The following AKAP19 variants were observed in gnomAD, a reference collection of about 807,000 sequenced individuals.
AKAP19 encodes the protein A-kinase anchoring protein 19, also known as small A-kinase anchoring protein.
chr2:190,144,860 C>A, the AKAP19 span, among the ~76,000 whole-genome samples: 3 of 152,052 alleles, frequency 2.0e-5, no homozygotes, highest in Admixed American at 6.6e-5. Flanking sequence ...CCCTGTAATC[C>A]CAGCTACTTG....
chr2:190,093,194 G>A, the AKAP19 span, among the ~76,000 whole-genome samples: 3 of 151,932 alleles, frequency 2.0e-5, no homozygotes, highest in Admixed American at 6.6e-5. Context: ...AGGCCAAGGC[G>A]GGTGGATCAC....
At chr2:189,891,212 C>CT in the AKAP19 span, among the ~76,000 whole-genome samples, 10 of 120,736 alleles carry the variant, frequency 8.3e-5, no homozygotes, top group South Asian at 2.6e-4. Flanking sequence ...GTTGAAAGTT[C>CT]TTTTTTTTTC....
chr2:190,090,146 G>A, the AKAP19 span, among the ~76,000 whole-genome samples: 281 of 152,192 alleles, frequency 1.8e-3, no homozygotes, highest in Middle Eastern at 0.014. Context: ...CTTTTCAATT[G>A]CAGCACTCCT....
the AKAP19 span, among the ~76,000 whole-genome samples, chr2:190,182,814 A>C: frequency 1.3e-5 from 2 of 152,272 alleles, no homozygotes; most frequent in African/African-American, 4.8e-5. Context: ...CAAGCAAAGG[A>C]GACAAAAATA....
chr2:190,170,344 CTGAGT>C, the AKAP19 span, among the ~76,000 whole-genome samples: 1 of 152,206 alleles, frequency 6.6e-6, no homozygotes, highest in African/African-American at 2.4e-5. Context: ...TGAATCCTAG[CTGAGT>C]TATTTGTTAT....
chr2:190,184,726 G>A, the AKAP19 span, among the ~76,000 whole-genome samples: 1 of 152,154 alleles, frequency 6.6e-6, no homozygotes, highest in East Asian at 1.9e-4. Context: ...GCTGGGTGGA[G>A]ATAAAGGCGA....
At chr2:189,909,270 G>C in the AKAP19 span, among the ~76,000 whole-genome samples, 1 of 150,902 alleles carries the variant, frequency 6.6e-6, no homozygotes, top group South Asian at 2.1e-4. Flanking sequence ...CAAGTCTCTT[G>C]TAGGCAGCTT....
the AKAP19 span, among the ~76,000 whole-genome samples, chr2:190,139,590 G>T: frequency 6.6e-6 from 1 of 152,014 alleles, no homozygotes; most frequent in African/African-American, 2.4e-5. Flanking sequence ...GCATGGTGGC[G>T]GCAAGGAGTA....
At chr2:190,157,989 G>A in the AKAP19 span, among the ~76,000 whole-genome samples, 1 of 152,194 alleles carries the variant, frequency 6.6e-6, no homozygotes, top group African/African-American at 2.4e-5. Flanking sequence ...CCTAAACCTA[G>A]TAGTTAAAAA....
the AKAP19 span, chr2:190,199,709 C>G: frequency 9.0e-4 from 1,311 of 1,461,864 alleles, 3 homozygotes; most frequent in Non-Finnish European, 1.1e-3. Context: ...AAACACTACA[C>G]GTGAAGAGTG....
At chr2:189,984,073 C>T in the AKAP19 span, among the ~76,000 whole-genome samples, 1 of 152,256 alleles carries the variant, frequency 6.6e-6, no homozygotes, top group East Asian at 1.9e-4. Context: ...CACAGGACCA[C>T]AGGACGGAGG....
At chr2:189,990,964 G>C in the AKAP19 span, among the ~76,000 whole-genome samples, 2 of 151,978 alleles carry the variant, frequency 1.3e-5, no homozygotes, top group Non-Finnish European at 2.9e-5. Context: ...ACAATGTTTG[G>C]TTTACTTCAC....
the AKAP19 span, among the ~76,000 whole-genome samples, chr2:189,989,289 A>G: frequency 2.7e-5 from 4 of 148,746 alleles, no homozygotes; most frequent in African/African-American, 4.9e-5. Context: ...GCAAAAAAAA[A>G]GGAAAAAAAG....
At chr2:189,940,260 C>T in the AKAP19 span, among the ~76,000 whole-genome samples, 1 of 141,498 alleles carries the variant, frequency 7.1e-6, no homozygotes, top group African/African-American at 2.8e-5. Flanking sequence ...GCTTGGGCGA[C>T]AGAGCAAGAC....
the AKAP19 span, among the ~76,000 whole-genome samples, chr2:190,096,922 A>T: frequency 6.6e-6 from 1 of 152,168 alleles, no homozygotes; most frequent in African/African-American, 2.4e-5. Flanking sequence ...CCATGAGGGC[A>T]GAGCCCTTGT....
the AKAP19 span, among the ~76,000 whole-genome samples, chr2:190,166,912 G>T: frequency 1.3e-5 from 2 of 151,602 alleles, no homozygotes; most frequent in African/African-American, 2.4e-5. Context: ...AAAAAAGAAA[G>T]AAAAATGAAT....
the AKAP19 span, among the ~76,000 whole-genome samples, chr2:189,928,490 C>T: frequency 3.9e-5 from 6 of 152,058 alleles, no homozygotes; most frequent in Non-Finnish European, 8.8e-5. Context: ...GATAATATTT[C>T]ACAACTTCAG....
the AKAP19 span, among the ~76,000 whole-genome samples, chr2:190,105,358 G>A: frequency 6.6e-6 from 1 of 151,930 alleles, no homozygotes; most frequent in East Asian, 1.9e-4. Context: ...ATAATTACTG[G>A]CTGATTGATT....
the AKAP19 span, among the ~76,000 whole-genome samples, chr2:189,984,940 A>T: frequency 6.6e-6 from 1 of 151,962 alleles, no homozygotes; most frequent in Non-Finnish European, 1.5e-5. Flanking sequence ...CCACCATCTC[A>T]GTTCAGCTCT....
Sources: gnomAD v4.1 joint callset for allele counts (sites outside exome capture counted in the v4.1 genomes callset) on GRCh38, gnomAD v4.1.1 for gene constraint, MANE v1.5 for transcripts, NCBI Gene and HGNC (gene_info 2026-07-23, HGNC 2026-07-21) for gene names.